STK32B: variants seen among roughly 807,000 people sequenced by gnomAD.
The protein encoded by STK32B is serine/threonine kinase 32B, also known as serine/threonine-protein kinase 32B.
Under a neutral mutation model 52.6 loss-of-function variants are expected in STK32B, and 43 were observed. That is an observed-to-expected ratio of 0.82 (90% confidence interval 0.64 to 1.05). The LOEUF (loss-of-function observed/expected upper bound fraction) is 1.05, where lower values mean the gene tolerates loss of function less well. STK32B is among the 50% of genes least tolerant of loss of function. STK32B has a pLI of 0.00. For synonymous variants in STK32B, 238 were observed against 204.3 expected, an observed-to-expected ratio of 1.17 and a Z score of -1.41; for missense variants, 621 against 534.6, an observed-to-expected ratio of 1.16 and a Z score of -1.59.
chr4:5,277,632 TA>T (rs999685833), intron 3 of STK32B, among the ~76,000 whole-genome samples: 2 of 152,000 alleles, frequency 1.3e-5, no homozygotes, highest in African/African-American at 4.8e-5. Flanking sequence ...TTTTACTCAC[TA>T]AAAAAAACTA....
intron 3 of STK32B, among the ~76,000 whole-genome samples, chr4:5,251,067 G>T (rs918393779): frequency 6.6e-6 from 1 of 152,048 alleles, no homozygotes; most frequent in Non-Finnish European, 1.5e-5. Flanking sequence ...GTTTAATTAG[G>T]TTCCATTTGT....
intron 6 of STK32B, among the ~76,000 whole-genome samples, chr4:5,437,609 G>C (rs1308084396): frequency 6.6e-6 from 1 of 152,162 alleles, no homozygotes; most frequent in African/African-American, 2.4e-5. Context: ...CCAGGAGTTA[G>C]GACTTGAACA....
At chr4:5,221,908 A>C (rs1723565017) in intron 3 of STK32B, among the ~76,000 whole-genome samples, 1 of 151,340 alleles carries the variant, frequency 6.6e-6, no homozygotes, top group Non-Finnish European at 1.5e-5. Flanking sequence ...TATTAAGTGG[A>C]GCCTTTAAGA....
At chr4:5,314,829 T>C (rs1730557143) in intron 3 of STK32B, among the ~76,000 whole-genome samples, 1 of 152,124 alleles carries the variant, frequency 6.6e-6, no homozygotes, top group African/African-American at 2.4e-5. Context: ...TAAAACTTTT[T>C]ATTAAATGAA....
At chr4:5,418,902 G>A (rs1259343610) in intron 6 of STK32B, among the ~76,000 whole-genome samples, 1 of 152,202 alleles carries the variant, frequency 6.6e-6, no homozygotes, top group Non-Finnish European at 1.5e-5. Flanking sequence ...GGACATGGTG[G>A]AGGGTTTGAA....
intron 1 of STK32B, among the ~76,000 whole-genome samples, chr4:5,104,546 T>C (rs576365278): frequency 1.3e-5 from 2 of 152,332 alleles, no homozygotes; most frequent in South Asian, 2.1e-4. Context: ...AAATGAAATA[T>C]TACCTACAGC....
chr4:5,127,890 C>A (rs1487609190), intron 1 of STK32B, among the ~76,000 whole-genome samples: 1 of 151,798 alleles, frequency 6.6e-6, no homozygotes, highest in African/African-American at 2.4e-5. Flanking sequence ...ATAAGTCTCA[C>A]GAGATCTGAT....
intron 11 of STK32B, among the ~76,000 whole-genome samples, chr4:5,490,971 C>T (rs183470440): frequency 1.3e-3 from 199 of 152,268 alleles, no homozygotes; most frequent in African/African-American, 4.5e-3. Context: ...TCCAGTCTAT[C>T]ATTGTTGGAC....
intron 3 of STK32B, among the ~76,000 whole-genome samples, chr4:5,297,979 T>C (rs1215279062): frequency 2.0e-5 from 3 of 152,226 alleles, no homozygotes; most frequent in Non-Finnish European, 4.4e-5. Context: ...ATGGGCATCC[T>C]TTTTGTTGAT....
chr4:5,257,003 G>A (rs1041722962), intron 3 of STK32B, among the ~76,000 whole-genome samples: 5 of 152,140 alleles, frequency 3.3e-5, no homozygotes, highest in Admixed American at 2.0e-4. Flanking sequence ...GAATATGTGA[G>A]TGAGTGGATG....
chr4:5,296,161 T>G (rs1729184232), intron 3 of STK32B, among the ~76,000 whole-genome samples: 1 of 152,238 alleles, frequency 6.6e-6, no homozygotes, highest in African/African-American at 2.4e-5. Flanking sequence ...TTGCATTTGC[T>G]GAGGAGTGTT....
intron 11 of STK32B, among the ~76,000 whole-genome samples, chr4:5,494,185 A>G (rs1032579689): frequency 1.3e-5 from 2 of 152,162 alleles, no homozygotes; most frequent in African/African-American, 2.4e-5. Flanking sequence ...GGGGTGTTAA[A>G]GTCTCCCATT....
chr4:5,056,819 A>C (rs1274389081), intron 1 of STK32B, among the ~76,000 whole-genome samples: 1 of 152,202 alleles, frequency 6.6e-6, no homozygotes, highest in East Asian at 1.9e-4. Flanking sequence ...CACTTGAGGC[A>C]TTTGGAATAA....
intron 3 of STK32B, among the ~76,000 whole-genome samples, chr4:5,183,491 A>T (rs1720512467): frequency 6.6e-6 from 1 of 151,862 alleles, no homozygotes; most frequent in African/African-American, 2.4e-5. Flanking sequence ...AAAAAAAAAA[A>T]ATTAAATTAA....
At chr4:5,226,940 A>G (rs903310936) in intron 3 of STK32B, among the ~76,000 whole-genome samples, 3 of 152,192 alleles carry the variant, frequency 2.0e-5, no homozygotes, top group East Asian at 1.9e-4. Context: ...AACCAAAAAT[A>G]CTTATTTTTT....
At position 5,402,853 on chromosome 4, in the gene STK32B, G is replaced by C. The variant is rs556100628; in HGVS notation, c.472+4609G>C. Among the ~76,000 whole-genome samples the C allele has an allele frequency of 3.7e-4, 56 of 152,294 alleles. No homozygotes were observed. In the South Asian group the frequency reaches 0.012, roughly 32 times the overall value. ...GAAGGTGGCTGAGGCCAGGAGAGTAGTGCAGGAGGGCTTCCTGGAGGAAGG... is the reference window on the plus strand; with the variant it reads ...GAAGGTGGCTGAGGCCAGGAGAGTACTGCAGGAGGGCTTCCTGGAGGAAGG... On this transcript the variant is annotated intron_variant, in intron 5 of 11. Transcript: ENST00000282908.
At chr4:5,052,099 C>A (rs531190467) in intron 1 of STK32B, among the ~76,000 whole-genome samples, 184 bp downstream of exon 1, 1 of 152,364 alleles carries the variant, frequency 6.6e-6, no homozygotes, top group African/African-American at 2.4e-5. Flanking sequence ...GAGGCAACTC[C>A]TAGGTACCCA....
intron 1 of STK32B, among the ~76,000 whole-genome samples, chr4:5,087,814 T>C (rs1712820237): frequency 6.6e-6 from 1 of 151,714 alleles, no homozygotes; most frequent in Non-Finnish European, 1.5e-5. Flanking sequence ...AGCGGCAGAA[T>C]TGAGGGTGGA....
chr4:5,346,523 G>T (rs1733468850), intron 4 of STK32B, among the ~76,000 whole-genome samples: 1 of 152,186 alleles, frequency 6.6e-6, no homozygotes, highest in African/African-American at 2.4e-5. Flanking sequence ...ACAAAACCCA[G>T]ATTGCATAAT....
Sources: allele counts gnomAD v4.1 joint callset (sites outside exome capture counted in the v4.1 genomes callset), GRCh38; gene constraint gnomAD v4.1.1; transcripts MANE v1.5; gene names NCBI Gene and HGNC (gene_info 2026-07-23, HGNC 2026-07-21).